Variants in NUP98 observed in about 807,000 individuals in gnomAD.
NUP98 encodes the protein nuclear pore complex protein Nup98-Nup96.
A neutral mutation model predicts 191.9 loss-of-function variants in NUP98; 26 were observed. The ratio of observed to expected loss-of-function variants is 0.14; its 90% CI spans 0.10 to 0.19. The LOEUF (loss-of-function observed/expected upper bound fraction) is 0.19, where lower values mean the gene tolerates loss of function less well. NUP98 is among the 10% of genes least tolerant of loss of function. The probability of loss-of-function intolerance (pLI) is 1.00; values close to 1 mark genes in which losing one functional copy is unlikely to be tolerated. For missense variants in NUP98, 1,941 were observed against 2,178.8 expected (o/e 0.89, Z 2.17); for synonymous variants, 808 against 778.4 (o/e 1.04, Z -0.63).
At chr11:3,765,917 G>A (rs556217876) in intron 8 of NUP98, among the ~76,000 whole-genome samples, 83 of 151,952 alleles carry the variant, frequency 5.5e-4, no homozygotes, top group Non-Finnish European at 1.1e-3. Context: ...ACCATATGTT[G>A]AAAAGACTAT....
At chr11:3,692,482 CCA>C (rs2078347379) in intron 27 of NUP98, among the ~76,000 whole-genome samples, 1 of 151,972 alleles carries the variant, frequency 6.6e-6, no homozygotes, top group African/African-American at 2.4e-5. Flanking sequence ...AAAAAATTAG[CCA>C]GGCGTAGTGG....
At chr11:3,688,801 A>G (rs2134042398) in intron 28 of NUP98, among the ~76,000 whole-genome samples, 1 of 133,390 alleles carries the variant, frequency 7.5e-6, no homozygotes, top group East Asian at 2.0e-4. Flanking sequence ...TCGAAAATAT[A>G]TATATGTATT....
At chr11:3,737,912 T>TAAAAAAA in intron 12 of NUP98, among the ~76,000 whole-genome samples, 1 of 151,628 alleles carries the variant, frequency 6.6e-6, no homozygotes. Context: ...TACTACAGAT[T>TAAAAAAA]AACAGCATAC....
At chr11:3,724,883 C>G (rs1209452328) in intron 15 of NUP98, among the ~76,000 whole-genome samples, 2 of 151,710 alleles carry the variant, frequency 1.3e-5, no homozygotes, top group Non-Finnish European at 2.9e-5. Flanking sequence ...TACACAAATA[C>G]CAAAATAGTT....
At position 3,797,042 on chromosome 11, in the gene NUP98, C is replaced by T. The variant is rs371912609; in HGVS notation, c.-29+358G>A. Reference sequence around the variant, plus strand: ...ACATGACGGTCAAGGAAGTGCGGGGCAGACCGTATTCAGGGTTTCAAGGCG... The same window carrying T: ...ACATGACGGTCAAGGAAGTGCGGGGTAGACCGTATTCAGGGTTTCAAGGCG... On this transcript the variant is annotated intron_variant, in intron 1 of 32. Coordinates refer to ENST00000324932, the MANE Select transcript of NUP98 (RefSeq NM_016320.5). 3.3e-5 allele frequency among the ~76,000 whole-genome samples: 5 copies of T among 152,378 alleles called. No homozygotes were observed. The East Asian group carries it at 9.6e-4, about 29-fold the overall frequency.
At chr11:3,776,110 C>A in intron 4 of NUP98, 89 bp from the exon 5 acceptor site, 9 of 851,832 alleles carry the variant, frequency 1.1e-5, no homozygotes, top group African/African-American at 1.7e-5. Context: ...GCACTAGCAT[C>A]ACAGTACTTC....
intron 13 of NUP98, among the ~76,000 whole-genome samples, chr11:3,731,858 C>A (rs567043097): frequency 1.3e-5 from 2 of 152,248 alleles, no homozygotes; most frequent in East Asian, 3.9e-4. Flanking sequence ...ATGTGAAAAT[C>A]CAAAATCCAA....
chr11:3,723,547 G>T, intron 15 of NUP98, 92 bp from the exon 16 acceptor site: 1 of 1,021,094 alleles, frequency 9.8e-7, no homozygotes, highest in Non-Finnish European at 1.5e-6. Context: ...TAAGTGCCTG[G>T]CACTGTTCTG....
At chr11:3,709,165 C>T (rs2078956416) in intron 20 of NUP98, among the ~76,000 whole-genome samples, 1 of 152,168 alleles carries the variant, frequency 6.6e-6, no homozygotes. Flanking sequence ...TTAAATAATT[C>T]ATACTGTCCT....
chr11:3,697,441 G>A (rs1217432165), intron 25 of NUP98, among the ~76,000 whole-genome samples: 1 of 152,126 alleles, frequency 6.6e-6, no homozygotes, highest in African/African-American at 2.4e-5. Context: ...GGATAAATTA[G>A]GTTCCAACAA....
rs1348540786 is a variant in NUP98 at position 3,760,623 on chromosome 11, G to C, written c.1090C>G (p.Leu364Val). ...GTAGTAAGCTTGTTATTGCCAAACAGGGTCTAAAAAGAATAGAATACAGGA... is the reference window on the plus strand; with the variant it reads ...GTAGTAAGCTTGTTATTGCCAAACACGGTCTAAAAAGAATAGAATACAGGA... ...NTGFGAVGSTLFGNNKLTTFG... is the reference protein window; with the variant it reads ...NTGFGAVGSTVFGNNKLTTFG... Residue 364 changes from leucine to valine, a missense_variant, in exon 10 of 33, where the codon CTG becomes GTG. Physicochemically the swap from Leu to Val is conservative, Grantham distance 32 (BLOSUM62 1). Transcript: ENST00000324932. 1.2e-6 allele frequency: 2 copies of C among 1,611,044 alleles called. No individual in the cohort carries two copies. Among genetic ancestry groups the C allele is most frequent in the Non-Finnish European group, 1.7e-6 (2 of 1,178,784 alleles).
At chr11:3,723,570 T>C (rs1007574156) in intron 15 of NUP98, 115 bp from the exon 16 acceptor site, 2 of 796,342 alleles carry the variant, frequency 2.5e-6, no homozygotes, top group African/African-American at 3.5e-5. Flanking sequence ...TAGTTCCATG[T>C]ATTAAAAATT....
Position 3,676,042 on chromosome 11 carries a change from G to A in NUP98, c.*117C>T. ...AGGATGCTGCTTCTGGCAGCAGGGA[G>A]GGAGGGTAGATGCCACAGCCAACCC... is the stretch of plus-strand genomic sequence containing the variant. On this transcript the variant is annotated 3_prime_UTR_variant, in exon 33 of 33. Transcript: ENST00000324932. The A allele has an allele frequency of 1.1e-6, 1 of 880,048 alleles. No individual in the cohort carries two copies. The highest frequency in any genetic ancestry group is 1.8e-6 in the Non-Finnish European group (1 of 561,142). 54.5% of individuals were successfully genotyped at this position (880,048 alleles called of 1,614,324 possible).
chr11:3,784,287 T>C (rs2082068570), intron 1 of NUP98, among the ~76,000 whole-genome samples: 1 of 152,152 alleles, frequency 6.6e-6, no homozygotes, highest in Admixed American at 6.5e-5. Flanking sequence ...CTTAAATAAA[T>C]GCTTTACAGA....
intron 28 of NUP98, among the ~76,000 whole-genome samples, chr11:3,690,609 C>A (rs1218793439): frequency 6.6e-6 from 1 of 152,114 alleles, no homozygotes; most frequent in Non-Finnish European, 1.5e-5. Flanking sequence ...TATACACACA[C>A]AAACCAAGAT....
At chr11:3,746,471 C>G (rs1160230021) in intron 11 of NUP98, among the ~76,000 whole-genome samples, 1 of 151,676 alleles carries the variant, frequency 6.6e-6, no homozygotes, top group Non-Finnish European at 1.5e-5. Context: ...CAAACAAAAA[C>G]TTAGGTGAAA....
chr11:3,762,805 A>C, intron 9 of NUP98, 97 bp downstream of exon 9: 1 of 1,343,602 alleles, frequency 7.4e-7, no homozygotes, highest in East Asian at 2.3e-5. Context: ...TAATACACCC[A>C]ATAAAAATAC....
intron 9 of NUP98, 75 bp from the exon 10 acceptor site, chr11:3,760,701 G>C: frequency 8.0e-7 from 1 of 1,251,946 alleles, no homozygotes; most frequent in Non-Finnish European, 1.1e-6. Context: ...GTTACCTCAG[G>C]TATACTGGGT....
intron 11 of NUP98, among the ~76,000 whole-genome samples, chr11:3,745,273 T>C (rs2080448484): frequency 6.6e-6 from 1 of 152,226 alleles, no homozygotes; most frequent in Non-Finnish European, 1.5e-5. Context: ...CAACATATCG[T>C]CTTTCACTAA....
Sources: allele counts gnomAD v4.1 joint callset (sites outside exome capture counted in the v4.1 genomes callset), GRCh38; gene constraint gnomAD v4.1.1; transcripts MANE v1.5; gene names NCBI Gene and HGNC (gene_info 2026-07-23, HGNC 2026-07-21).